PDK1: variants seen among roughly 807,000 people sequenced by gnomAD.
PDK1 encodes pyruvate dehydrogenase kinase 1.
In PDK1, 39 loss-of-function variants were observed where a neutral mutation model predicts 54.2. The observed-to-expected ratio is 0.72, with a 90% CI of 0.56 to 0.94. The LOEUF is 0.94. Among genes scored for constraint, PDK1 ranks in the 40% least tolerant of loss-of-function variants. The probability of loss-of-function intolerance (pLI) is 0.00; values close to 1 mark genes in which losing one functional copy is unlikely to be tolerated. For synonymous variants in PDK1, 221 were observed against 207.1 expected (o/e 1.07, Z -0.58); for missense variants, 552 against 566.0 (o/e 0.98, Z 0.25).
intron 8 of PDK1, among the ~76,000 whole-genome samples, chr2:172,584,910 T>TCCC (rs1690132385): frequency 6.6e-6 from 1 of 150,486 alleles, no homozygotes; most frequent in Admixed American, 6.7e-5. Flanking sequence ...GCCCAAGTGA[T>TCCC]CCCCCTGTTA....
rs1311297164 is a variant in PDK1 at position 172,598,127 on chromosome 2, T to C, written c.*2158T>C. On this transcript the variant is annotated 3_prime_UTR_variant, in exon 11 of 11. Coordinates refer to ENST00000282077, the MANE Select transcript of PDK1 (RefSeq NM_002610.5). ...TTATATTAGTTCGATGTATTACAAT[T>C]TTTTAGCTTTAAATTACAGTTTTCT... 1 of 152,228 alleles carries C rather than the reference T, an allele frequency of 6.6e-6. No homozygotes were observed. Among genetic ancestry groups the C allele is most frequent in the Non-Finnish European group, 1.5e-5 (1 of 68,034 alleles). 9.4% of individuals were successfully genotyped at this position (152,228 alleles called of 1,614,324 possible).
chr2:172,598,224 T>A lies in PDK1; in HGVS notation c.*2255T>A, dbSNP rs995977626. 4.6e-5 allele frequency: 7 copies of A among 152,232 alleles called. No homozygotes were observed. Among genetic ancestry groups the A allele is most frequent in the Non-Finnish European group, 2.9e-5 (2 of 68,038 alleles). The allele number at this position is 152,232 out of a possible 1,614,324, so 9.4% of individuals were successfully genotyped here. Reference sequence around the variant, plus strand: ...TCCTAAATGAAACATTTGTACAACATTTGATGTTTTTACTTATGAAATATT... The same window carrying A: ...TCCTAAATGAAACATTTGTACAACAATTGATGTTTTTACTTATGAAATATT... On this transcript the variant is annotated 3_prime_UTR_variant, in exon 11 of 11. Transcript: ENST00000282077.
the PDK1 span, among the ~76,000 whole-genome samples, chr2:172,641,695 C>T: frequency 1.3e-5 from 2 of 152,244 alleles, no homozygotes; most frequent in South Asian, 2.1e-4. Flanking sequence ...CTGCCTGCCT[C>T]GGCCTTCTAA....
At chr2:172,655,071 A>G in the PDK1 span, among the ~76,000 whole-genome samples, 1 of 152,126 alleles carries the variant, frequency 6.6e-6, no homozygotes, top group African/African-American at 2.4e-5. Context: ...TGGATTTTGG[A>G]TGATAAGGGG....
At chr2:172,563,474 A>G (rs528649876) in intron 3 of PDK1, among the ~76,000 whole-genome samples, 1 of 152,358 alleles carries the variant, frequency 6.6e-6, no homozygotes, top group South Asian at 2.1e-4. Flanking sequence ...TGAATAGGAA[A>G]GCACTCATTT....
intron 8 of PDK1, among the ~76,000 whole-genome samples, chr2:172,585,316 A>AT (rs538241255): frequency 0.051 from 5,302 of 103,098 alleles, 587 homozygotes; most frequent in African/African-American, 0.11. Flanking sequence ...TGCATTTTTA[A>AT]TTTTTTTTTT....
the PDK1 span, among the ~76,000 whole-genome samples, chr2:172,682,623 G>C: frequency 0.018 from 2,685 of 152,340 alleles, 74 homozygotes; most frequent in African/African-American, 0.061. Context: ...AAAGGAATGA[G>C]TGTGTGGTGG....
At chr2:172,619,323 G>C in the PDK1 span, among the ~76,000 whole-genome samples, 1 of 152,148 alleles carries the variant, frequency 6.6e-6, no homozygotes, top group African/African-American at 2.4e-5. Context: ...ATTTCCAACT[G>C]TCTTGAGGAT....
chr2:172,579,741 G>A (rs1216235203), intron 8 of PDK1, among the ~76,000 whole-genome samples: 1 of 150,040 alleles, frequency 6.7e-6, no homozygotes, highest in Non-Finnish European at 1.5e-5. Context: ...GTGCTCTGAA[G>A]TTTCAGTGAT....
chr2:172,586,371 T>C lies in PDK1; in HGVS notation c.1039T>C (p.Ser347Pro), dbSNP rs536890432. 15 of 1,597,650 alleles carry C rather than the reference T, an allele frequency of 9.4e-6. No homozygotes were observed. The Admixed American group carries it at 2.3e-4, about 25-fold the overall frequency. ...STAPRPRVET[S>P]RAVPLAGFGY... ...TGCACCAAGACCTCGTGTTGAGACC[T>C]CCCGCGCAGTGCCTCTGGTATGTTA... The change falls in exon 9 of 11, where the codon TCC becomes CCC. Residue 347 changes from serine (S) to proline (P), a missense_variant. Transcript: ENST00000282077.
the PDK1 span, among the ~76,000 whole-genome samples, chr2:172,670,473 A>T: frequency 5.2e-4 from 79 of 152,324 alleles, no homozygotes; most frequent in African/African-American, 1.7e-3. Context: ...AAATTTATGA[A>T]GTTTTAATTA....
the PDK1 span, among the ~76,000 whole-genome samples, chr2:172,653,186 TC>T: frequency 6.6e-6 from 1 of 152,260 alleles, no homozygotes; most frequent in Non-Finnish European, 1.5e-5. Context: ...AACCATCTGA[TC>T]TTTCACAAAC....
the PDK1 span, among the ~76,000 whole-genome samples, chr2:172,721,419 C>A: frequency 1.3e-5 from 2 of 152,210 alleles, no homozygotes; most frequent in Non-Finnish European, 2.9e-5. Flanking sequence ...CAGCTCACTG[C>A]AACCTCCATC....
At chr2:172,582,127 G>A (rs1482450022) in intron 8 of PDK1, among the ~76,000 whole-genome samples, 1 of 152,050 alleles carries the variant, frequency 6.6e-6, no homozygotes, top group Non-Finnish European at 1.5e-5. Flanking sequence ...TGGCCAGGCT[G>A]GTCTTGGAAC....
intron 5 of PDK1, among the ~76,000 whole-genome samples, chr2:172,565,820 T>C (rs1688908825): frequency 6.6e-6 from 1 of 152,262 alleles, no homozygotes; most frequent in African/African-American, 2.4e-5. Flanking sequence ...GACATCTTGC[T>C]GTTCAGTACA....
chr2:172,571,989 G>A (rs1186683961), intron 8 of PDK1, among the ~76,000 whole-genome samples: 5 of 151,708 alleles, frequency 3.3e-5, no homozygotes, highest in South Asian at 4.2e-4. Context: ...CCGCCACCAC[G>A]CCTAGCTAAT....
At chr2:172,673,772 C>G in the PDK1 span, among the ~76,000 whole-genome samples, 12 of 152,332 alleles carry the variant, frequency 7.9e-5, 1 homozygote, top group African/African-American at 2.9e-4. Flanking sequence ...AGGTGTCTGA[C>G]TCTTGACACT....
chr2:172,581,456 A>G (rs1230089220), intron 8 of PDK1, among the ~76,000 whole-genome samples: 1 of 152,246 alleles, frequency 6.6e-6, no homozygotes, highest in Admixed American at 6.5e-5. Flanking sequence ...GTCTCAAAAA[A>G]GAGTGTTCTA....
the PDK1 span, among the ~76,000 whole-genome samples, chr2:172,630,176 A>G: frequency 6.6e-6 from 1 of 152,196 alleles, no homozygotes; most frequent in East Asian, 1.9e-4. Context: ...TTTAATTTGT[A>G]TTTTGCTTAT....
Sources: gnomAD v4.1 joint callset for allele counts (sites outside exome capture counted in the v4.1 genomes callset) on GRCh38, gnomAD v4.1.1 for gene constraint, MANE v1.5 for transcripts, NCBI Gene and HGNC (gene_info 2026-07-23, HGNC 2026-07-21) for gene names.